SAE1: variants seen among roughly 807,000 people sequenced by gnomAD.
SAE1 encodes the protein SUMO1 activating enzyme subunit 1, also known as SUMO-activating enzyme subunit 1.
SAE1 carries 11 observed loss-of-function variants against 40.6 expected under a neutral mutation model. The ratio of observed to expected loss-of-function variants is 0.27; its 90% CI spans 0.17 to 0.45. The LOEUF (loss-of-function observed/expected upper bound fraction) is 0.45, where lower values mean the gene tolerates loss of function less well. Ranked by LOEUF, SAE1 falls within the 20% of genes least tolerant of loss-of-function variation. The probability of loss-of-function intolerance (pLI) is 1.00; values close to 1 mark genes in which losing one functional copy is unlikely to be tolerated. For missense variants in SAE1, 373 were observed against 427.3 expected (o/e 0.87, Z 1.12); for synonymous variants, 155 against 154.3 (o/e 1.00, Z -0.03).
At position 47,169,937 on chromosome 19, in the gene SAE1, G is replaced by A. The variant is rs1430821628; in HGVS notation, c.733+14G>A. The A allele has an allele frequency of 1.3e-6, 2 of 1,590,680 alleles. No individual in the cohort carries two copies. The highest frequency in any genetic ancestry group is 8.6e-7 in the Non-Finnish European group (1 of 1,158,686). ...TTCTCCTTCAAGGTGAGGTCTCAAA[G>A]CACAACTTACCCCGGGAGAGCTTTT... On this transcript the variant is annotated intron_variant, in intron 6 of 8. Transcript: ENST00000270225.
At chr19:47,176,004 C>T (rs1018050751) in intron 6 of SAE1, among the ~76,000 whole-genome samples, 1 of 152,130 alleles carries the variant, frequency 6.6e-6, no homozygotes, top group Non-Finnish European at 1.5e-5. Context: ...TTTGTTAAAC[C>T]CTTCCCATTT....
At chr19:47,153,109 G>GTATT (rs754654639) in intron 4 of SAE1, 69 bp downstream of exon 4, 2 of 1,351,292 alleles carry the variant, frequency 1.5e-6, no homozygotes, top group East Asian at 2.4e-5. Flanking sequence ...TTTAAATTAT[G>GTATT]TATTTATTTA....
chr19:47,201,431 G>A (rs1352700100), intron 7 of SAE1, among the ~76,000 whole-genome samples: 7 of 135,138 alleles, frequency 5.2e-5, no homozygotes, highest in South Asian at 4.8e-4. Flanking sequence ...GAGTGCAGTG[G>A]CGTGATCTCG....
At chr19:47,149,108 TC>T (rs1019899451) in intron 2 of SAE1, among the ~76,000 whole-genome samples, 3 of 151,130 alleles carry the variant, frequency 2.0e-5, no homozygotes, top group Admixed American at 2.0e-4. Context: ...TGCTTTGGCG[TC>T]CCAAATTGCT....
At chr19:47,155,066 C>T (rs1306166649) in intron 4 of SAE1, 48 bp from the exon 5 acceptor site, 1 of 1,205,788 alleles carries the variant, frequency 8.3e-7, no homozygotes. Flanking sequence ...ATTCCAATAA[C>T]ATGATTCCTA....
rs143276305 is a variant in SAE1, at chr19:47,142,971, C to T, written c.99-523C>T. ...TATGTCTGATTCACCGCCTTATTTC[C>T]ACACCATAGAAGGATGCCTGGCATA... is the stretch of plus-strand genomic sequence containing the variant. On this transcript the variant is annotated intron_variant, in intron 1 of 8. Coordinates refer to ENST00000270225, the MANE Select transcript of SAE1 (RefSeq NM_005500.3). Among the ~76,000 whole-genome samples, 257 of 152,282 alleles carry T rather than the reference C, an allele frequency of 1.7e-3. 1 individual carries two copies. The highest frequency in any genetic ancestry group is 5.5e-3 in the African/African-American group (229 of 41,558).
At chr19:47,156,000 A>C (rs2058322125) in intron 5 of SAE1, among the ~76,000 whole-genome samples, 1 of 151,808 alleles carries the variant, frequency 6.6e-6, no homozygotes, top group Non-Finnish European at 1.5e-5. Flanking sequence ...CAGCCCCACA[A>C]AGTGCTGGGA....
intron 6 of SAE1, among the ~76,000 whole-genome samples, chr19:47,192,970 T>C (rs946743888): frequency 6.6e-6 from 1 of 152,056 alleles, no homozygotes; most frequent in Non-Finnish European, 1.5e-5. Context: ...ACAATCGGAA[T>C]ACCAGCAGGA....
intron 5 of SAE1, among the ~76,000 whole-genome samples, chr19:47,157,430 A>T (rs1347371198): frequency 6.6e-6 from 1 of 152,202 alleles, no homozygotes; most frequent in African/African-American, 2.4e-5. Flanking sequence ...TACAAGTGTG[A>T]CACTTGGCCT....
intron 5 of SAE1, among the ~76,000 whole-genome samples, chr19:47,169,515 G>A (rs1484863530): frequency 1.3e-5 from 2 of 152,160 alleles, no homozygotes; most frequent in Non-Finnish European, 2.9e-5. Flanking sequence ...AAAGTGTTGG[G>A]ATTACAGGTG....
intron 6 of SAE1, among the ~76,000 whole-genome samples, chr19:47,176,665 C>T (rs570469283): frequency 6.6e-6 from 1 of 152,052 alleles, no homozygotes; most frequent in African/African-American, 2.4e-5. Context: ...TTTTTATTGC[C>T]CCATTCACAA....
intron 1 of SAE1, among the ~76,000 whole-genome samples, chr19:47,137,916 A>G (rs1429452190): frequency 6.6e-6 from 1 of 151,446 alleles, no homozygotes; most frequent in Admixed American, 6.6e-5. Flanking sequence ...TTTAGTAGAG[A>G]CGGGGTTTTA....
Position 47,209,966 on chromosome 19 carries a change from G to C in SAE1, c.*715G>C, listed in dbSNP as rs538549024. The C allele has an allele frequency of 3.3e-5, 5 of 152,290 alleles. No homozygotes were observed. The highest frequency in any genetic ancestry group is 1.2e-4 in the African/African-American group (5 of 41,546). 9.4% of individuals were successfully genotyped at this position (152,290 alleles called of 1,614,324 possible). A position where few individuals can be genotyped will look rare whatever the true frequency, so the allele number is the denominator to read the frequency against. ...CTGCAAGTTGAGTATTAGAGAGCTT[G>C]TCTTTCAAGGCAGGTTCCTGGGGCT... On this transcript the variant is annotated 3_prime_UTR_variant, in exon 9 of 9. Coordinates refer to ENST00000270225, the MANE Select transcript of SAE1 (RefSeq NM_005500.3).
chr19:47,192,314 G>A (rs1233530812), intron 6 of SAE1, among the ~76,000 whole-genome samples: 2 of 151,712 alleles, frequency 1.3e-5, no homozygotes, highest in East Asian at 2.0e-4. Context: ...GCAGTGGCAC[G>A]ATACCGGCTC....
intron 6 of SAE1, 54 bp downstream of exon 6, chr19:47,169,977 C>A: frequency 7.5e-7 from 1 of 1,342,076 alleles, no homozygotes; most frequent in Non-Finnish European, 1.1e-6. Flanking sequence ...CTGATTTCTG[C>A]AAATGTGGTT....
intron 6 of SAE1, among the ~76,000 whole-genome samples, chr19:47,174,507 C>T (rs926045593): frequency 6.6e-6 from 1 of 151,430 alleles, no homozygotes; most frequent in Non-Finnish European, 1.5e-5. Context: ...AGCAATTCTC[C>T]TGCCTCAGCC....
In SAE1 at chr19:47,170,593, A is replaced by G. The variant is rs73568483; in HGVS notation, c.733+670A>G. 4.7e-3 allele frequency among the ~76,000 whole-genome samples: 649 copies of G among 137,262 alleles called. 5 individuals carry two copies. The highest frequency in any genetic ancestry group is 0.017 in the African/African-American group (605 of 36,130). The allele number at this position is 137,262 out of a possible 152,430, so 90.0% of individuals were successfully genotyped here. ...GCTATCATGGTTCACTGTAGCCTCT[A>G]CTTCCTGGGCTTAAGTGCTCCCCAT... On this transcript the variant is annotated intron_variant, in intron 6 of 8. Transcript: ENST00000270225.
At chr19:47,142,470 A>C (rs1482224274) in intron 1 of SAE1, 1 of 151,606 alleles carries the variant, frequency 6.6e-6, no homozygotes, top group Non-Finnish European at 1.5e-5. Flanking sequence ...GTTATACTTA[A>C]CTAGTGCCTC....
At chr19:47,139,680 C>T (rs1476035391) in intron 1 of SAE1, among the ~76,000 whole-genome samples, 2 of 148,698 alleles carry the variant, frequency 1.3e-5, no homozygotes. Context: ...GCTACACCTT[C>T]CGGGTTCACA....
Sources: gnomAD v4.1 joint callset for allele counts (sites outside exome capture counted in the v4.1 genomes callset) on GRCh38, gnomAD v4.1.1 for gene constraint, MANE v1.5 for transcripts, NCBI Gene and HGNC (gene_info 2026-07-23, HGNC 2026-07-21) for gene names.